KCNC2: variants seen among roughly 807,000 people sequenced by gnomAD.
The protein encoded by KCNC2 is potassium voltage-gated channel subfamily C member 2.
KCNC2 carries 21 observed loss-of-function variants against 44.5 expected under a neutral mutation model. That is an observed-to-expected ratio of 0.47 (90% CI 0.33 to 0.68). KCNC2 has a LOEUF of 0.68. KCNC2 is among the 30% of genes least tolerant of loss of function. The pLI is 0.01. For synonymous variants in KCNC2, 391 were observed against 339.1 expected, an observed-to-expected ratio of 1.15 and a Z score of -1.68; for missense variants, 589 against 826.2, an observed-to-expected ratio of 0.71 and a Z score of 3.52.
At chr12:75,155,594 A>G (rs965227123) in intron 2 of KCNC2, among the ~76,000 whole-genome samples, 4 of 151,862 alleles carry the variant, frequency 2.6e-5, no homozygotes, top group Non-Finnish European at 4.4e-5. Context: ...AAAAATTAAT[A>G]TCTAATCTCT....
chr12:75,172,989 T>A (rs1891934539), intron 2 of KCNC2, among the ~76,000 whole-genome samples: 1 of 151,778 alleles, frequency 6.6e-6, no homozygotes, highest in Admixed American at 6.6e-5. Flanking sequence ...TTTTCAGAGA[T>A]CCCAGATCAA....
At chr12:75,154,381 C>T (rs182125151) in intron 2 of KCNC2, among the ~76,000 whole-genome samples, 1 of 152,054 alleles carries the variant, frequency 6.6e-6, no homozygotes, top group African/African-American at 2.4e-5. Flanking sequence ...TTTAGGAAAC[C>T]TTAGTTGAGT....
chr12:75,095,266 T>C (rs1469876846), intron 2 of KCNC2, among the ~76,000 whole-genome samples: 3 of 151,832 alleles, frequency 2.0e-5, no homozygotes, highest in African/African-American at 7.2e-5. Flanking sequence ...GGCAAGCAAC[T>C]CTATTATATT....
At chr12:75,095,821 T>C (rs974961510) in intron 2 of KCNC2, among the ~76,000 whole-genome samples, 1 of 151,914 alleles carries the variant, frequency 6.6e-6, no homozygotes, top group Non-Finnish European at 1.5e-5. Flanking sequence ...ATCTACTAAA[T>C]AAATTTTCAA....
At chr12:75,128,497 A>C (rs1275518943) in intron 2 of KCNC2, among the ~76,000 whole-genome samples, 3 of 152,212 alleles carry the variant, frequency 2.0e-5, no homozygotes, top group Non-Finnish European at 4.4e-5. Flanking sequence ...AAATAAAACA[A>C]AACGGGTCAA....
chr12:75,041,911 G>A lies in KCNC2; in HGVS notation c.*1194C>T. On this transcript the variant is annotated 3_prime_UTR_variant, in exon 5 of 5. Transcript: ENST00000549446. ...ATTAAAATCATAAACATCTTACAGAGGCATTTCTGTGCTTCATGGAGACAG... is the reference window on the plus strand; with the variant it reads ...ATTAAAATCATAAACATCTTACAGAAGCATTTCTGTGCTTCATGGAGACAG... 2 of 994,802 alleles carry A rather than the reference G, an allele frequency of 2.0e-6. No individual in the cohort carries two copies. Among genetic ancestry groups the A allele is most frequent in the Non-Finnish European group, 2.4e-6 (2 of 836,444 alleles). The allele number at this position is 994,802 out of a possible 1,614,324, so 61.6% of individuals were successfully genotyped here.
rs149433460 is a variant in KCNC2, at chr12:75,050,859, A to G, written c.1146T>C (p.Phe382=). 6.1e-3 allele frequency: 9,904 copies of G among 1,613,568 alleles called. 46 individuals carry two copies. Among genetic ancestry groups the G allele is most frequent in the Non-Finnish European group, 7.1e-3 (8,408 of 1,179,856 alleles). ...GAGCCAGGAAAATTATCAGCAGCAAAAATTCATTAGTACTAGCTCGAAGAG... is the reference window on the plus strand; with the variant it reads ...GAGCCAGGAAAATTATCAGCAGCAAGAATTCATTAGTACTAGCTCGAAGAG... ...GHTLRASTNE[F]LLLIIFLALG... is the part of the protein sequence containing the mutation. Residue 382 remains phenylalanine (F), a synonymous_variant, in exon 3 of 5, where the codon TTT becomes TTC. Transcript: ENST00000549446.
intron 2 of KCNC2, among the ~76,000 whole-genome samples, chr12:75,075,458 C>CATATATACATATATATATATATAT (rs1883848542): frequency 6.9e-6 from 1 of 145,584 alleles, no homozygotes; most frequent in Non-Finnish European, 1.5e-5. Context: ...TATATATATA[C>CATATATACATATATATATATATAT]ATATATATAT....
chr12:75,134,201 G>T (rs1285151805), intron 2 of KCNC2, among the ~76,000 whole-genome samples: 1 of 151,828 alleles, frequency 6.6e-6, no homozygotes, highest in African/African-American at 2.4e-5. Flanking sequence ...GCTAAAATTA[G>T]AGCATAGTAC....
At chr12:75,054,434 G>A (rs1881521415) in intron 2 of KCNC2, among the ~76,000 whole-genome samples, 1 of 152,134 alleles carries the variant, frequency 6.6e-6, no homozygotes, top group Non-Finnish European at 1.5e-5. Context: ...TAAGGAGAAG[G>A]AGGAAGAGCT....
intron 2 of KCNC2, among the ~76,000 whole-genome samples, chr12:75,191,631 A>G (rs1406763619): frequency 1.4e-5 from 2 of 140,132 alleles, no homozygotes; most frequent in Non-Finnish European, 3.0e-5. Context: ...GCTCACTGCA[A>G]GCTCCGCTTC....
At chr12:75,084,073 T>C (rs890260776) in intron 2 of KCNC2, among the ~76,000 whole-genome samples, 1 of 152,004 alleles carries the variant, frequency 6.6e-6, no homozygotes. Flanking sequence ...TGAAGTATTC[T>C]AGAATTAAAC....
Position 75,207,389 on chromosome 12 carries a change from C to A in KCNC2, c.595G>T (p.Gly199Trp). ...RLGIEDAAGL[G>W]GPDGKSGRWR... ...CGGCCAGATTTGCCGTCGGGGCCCCCGAGCCCCGCCGCGTCCTCGATGCCC... is the reference window on the plus strand; with the variant it reads ...CGGCCAGATTTGCCGTCGGGGCCCCAGAGCCCCGCCGCGTCCTCGATGCCC... The change falls in exon 2 of 5, where the codon GGG (glycine) becomes TGG (tryptophan). Residue 199 changes from glycine (G) to tryptophan (W), a missense_variant. By Grantham distance (184) the Gly-to-Trp change is radical. Around this residue, in one of 7 missense-constraint regions of KCNC2, gnomAD observed 97 missense variants for 73.3 expected, o/e 1.32. Coordinates refer to ENST00000549446, the MANE Select transcript of KCNC2 (RefSeq NM_139137.4). This position sits in a 1 kb window ranked among gnomAD's most constrained non-coding sequence, Gnocchi z 4.1. The A allele has an allele frequency of 6.3e-7, 1 of 1,583,604 alleles. No individual in the cohort carries two copies.
intron 2 of KCNC2, among the ~76,000 whole-genome samples, chr12:75,059,689 T>C (rs760034630): frequency 3.3e-5 from 5 of 152,242 alleles, no homozygotes; most frequent in East Asian, 1.9e-4. Context: ...AGTGATTCTA[T>C]ACAAGACCAC....
chr12:75,114,484 C>G (rs983115536), intron 2 of KCNC2, among the ~76,000 whole-genome samples: 1 of 152,200 alleles, frequency 6.6e-6, no homozygotes, highest in East Asian at 1.9e-4. Flanking sequence ...TGGACTACGT[C>G]TTGGCCTCCT....
At chr12:75,206,330 T>C (rs1803781471) in intron 2 of KCNC2, among the ~76,000 whole-genome samples, 1 of 152,208 alleles carries the variant, frequency 6.6e-6, no homozygotes, top group South Asian at 2.1e-4. Flanking sequence ...ACATACTGTA[T>C]AATTTTTGGT....
chr12:75,094,742 A>G (rs1885778925), intron 2 of KCNC2, among the ~76,000 whole-genome samples: 1 of 151,744 alleles, frequency 6.6e-6, no homozygotes. Flanking sequence ...AGGATTAATT[A>G]GCTACATCTG....
At chr12:75,158,806 C>A (rs1443315523) in intron 2 of KCNC2, among the ~76,000 whole-genome samples, 1 of 151,822 alleles carries the variant, frequency 6.6e-6, no homozygotes, top group Non-Finnish European at 1.5e-5. Flanking sequence ...TTATCTTCTA[C>A]AGATTTTATT....
chr12:75,156,524 G>A (rs1271743958), intron 2 of KCNC2, among the ~76,000 whole-genome samples: 4 of 151,704 alleles, frequency 2.6e-5, no homozygotes, highest in South Asian at 2.1e-4. Context: ...TATTGACCCT[G>A]CTTTAAAGTC....
Sources: gnomAD v4.1 joint callset for allele counts (sites outside exome capture counted in the v4.1 genomes callset) on GRCh38, gnomAD v4.1.1 for gene constraint, gnomAD v4.1.1 regional missense constraint, Gnocchi (gnomAD v3.1) non-coding constraint, MANE v1.5 for transcripts, NCBI Gene and HGNC (gene_info 2026-07-23, HGNC 2026-07-21) for gene names.